The following ETV5 variants were observed in gnomAD, a reference collection of about 807,000 sequenced individuals.
ETV5 encodes the protein ETS translocation variant 5.
In ETV5, 10 loss-of-function variants were observed where a neutral mutation model predicts 70.0. The ratio of observed to expected loss-of-function variants is 0.14; its 90% CI spans 0.09 to 0.24. The LOEUF (loss-of-function observed/expected upper bound fraction) is 0.24, where lower values mean the gene tolerates loss of function less well. Ranked by LOEUF, ETV5 falls within the 10% of genes least tolerant of loss-of-function variation. The pLI is 1.00. For missense variants in ETV5, 453 were observed against 651.2 expected (o/e 0.70, Z 3.31); for synonymous variants, 216 against 242.2 (o/e 0.89, Z 1.01).
At chr3:186,086,746 C>A (rs1466465398) in intron 5 of ETV5, among the ~76,000 whole-genome samples, 1 of 150,016 alleles carries the variant, frequency 6.7e-6, no homozygotes, top group Non-Finnish European at 1.5e-5. Flanking sequence ...CGCTTGAGCC[C>A]AGGAGTTTGA....
chr3:186,087,315 G>C (rs1714081945), intron 5 of ETV5, among the ~76,000 whole-genome samples: 1 of 152,188 alleles, frequency 6.6e-6, no homozygotes, highest in Non-Finnish European at 1.5e-5. Context: ...TATGGTGTTT[G>C]AAAGTCAGGA....
intron 8 of ETV5, 102 bp from the exon 9 acceptor site, chr3:186,064,578 T>G: frequency 2.7e-6 from 3 of 1,121,536 alleles, no homozygotes; most frequent in Non-Finnish European, 4.1e-6. Context: ...CTAAACTTCC[T>G]GCTCTGGGGT....
At chr3:186,101,077 T>C (rs369987568) in intron 5 of ETV5, among the ~76,000 whole-genome samples, 159 of 152,342 alleles carry the variant, frequency 1.0e-3, no homozygotes, top group African/African-American at 3.7e-3. Context: ...TCTATGAAAA[T>C]GTGTAGTAAA....
In ETV5 at chr3:186,079,866, G is replaced by A. The variant is rs1713887481; in HGVS notation, c.601C>T (p.Leu201=). Reference sequence around the variant, plus strand: ...TCAGGCATCATCTTTGGCATCTGCAGGGGCTGATGTGGTGGTCGGGGGACC... The same window carrying A: ...TCAGGCATCATCTTTGGCATCTGCAAGGGCTGATGTGGTGGTCGGGGGACC... ...FAVPRPPHQP[L]QMPKMMPENQ... The change falls in exon 7 of 13, where the codon CTG becomes TTG. Residue 201 remains leucine, a synonymous_variant. Coordinates refer to ENST00000306376, the MANE Select transcript of ETV5 (RefSeq NM_004454.3). 1 of 1,610,610 alleles carries A rather than the reference G, an allele frequency of 6.2e-7. No individual in the cohort carries two copies. The highest frequency in any genetic ancestry group is 1.3e-5 in the African/African-American group (1 of 74,714).
intron 5 of ETV5, among the ~76,000 whole-genome samples, chr3:186,092,856 T>C (rs561288211): frequency 1.3e-5 from 2 of 152,270 alleles, no homozygotes; most frequent in East Asian, 3.9e-4. Flanking sequence ...AAGTCTCTGC[T>C]ATGCACTCGA....
rs897900050 is a variant in ETV5 at position 186,072,583 on chromosome 3, G to A, written c.651-6511C>T. Among the ~76,000 whole-genome samples the A allele has an allele frequency of 3.3e-5, 5 of 152,248 alleles. No homozygotes were observed. The East Asian group carries it at 7.7e-4, about 24-fold the overall frequency. ...GATGTTTATTTTCCTGCGATATAAC[G>A]AAGAGCCAGACACTGTCCCTAAACG... On this transcript the variant is annotated intron_variant, in intron 7 of 12. Transcript: ENST00000306376.
chr3:186,084,809 C>T lies in ETV5; in HGVS notation c.233-3634G>A, dbSNP rs527937318. Among the ~76,000 whole-genome samples, 11 of 152,286 alleles carry T rather than the reference C, an allele frequency of 7.2e-5. No homozygotes were observed. The South Asian group carries it at 2.1e-3, about 29-fold the overall frequency. On this transcript the variant is annotated intron_variant, in intron 5 of 12. Coordinates refer to ENST00000306376, the MANE Select transcript of ETV5 (RefSeq NM_004454.3). ...TGACAGAAATGGGAGATACTCTACT[C>T]GCTCACTTTGTACATTAAAAATAGA...
intron 7 of ETV5, among the ~76,000 whole-genome samples, chr3:186,074,917 G>A (rs73052023): frequency 4.7e-4 from 70 of 149,410 alleles, no homozygotes; most frequent in African/African-American, 1.6e-3. Context: ...AAGAATGCAA[G>A]GTTGGTTTCA....
At chr3:186,068,645 A>C (rs1713514298) in intron 7 of ETV5, among the ~76,000 whole-genome samples, 1 of 152,214 alleles carries the variant, frequency 6.6e-6, no homozygotes, top group South Asian at 2.1e-4. Context: ...GACCAAAGGC[A>C]AAGTTTCTTG....
At chr3:186,056,939 G>T in intron 11 of ETV5, 136 bp downstream of exon 11, 1 of 932,594 alleles carries the variant, frequency 1.1e-6, no homozygotes, top group Non-Finnish European at 1.6e-6. Context: ...ATACAGCCAA[G>T]CCCACTGGCC....
At chr3:186,082,018 G>A (rs532764188) in intron 5 of ETV5, among the ~76,000 whole-genome samples, 2 of 152,228 alleles carry the variant, frequency 1.3e-5, no homozygotes, top group South Asian at 4.1e-4. Context: ...AGAGTAACAA[G>A]AATTTTTCAA....
Position 186,047,513 on chromosome 3 carries a change from T to C in ETV5, c.*1126A>G, listed in dbSNP as rs961841587. On this transcript the variant is annotated 3_prime_UTR_variant, in exon 13 of 13. Coordinates refer to ENST00000306376, the MANE Select transcript of ETV5 (RefSeq NM_004454.3). ...GGACATGACACATGTTATATACATA[T>C]GCTTTCCAGAGAGGGCATGTTAGTG... 1.3e-5 allele frequency: 3 copies of C among 232,312 alleles called. No individual in the cohort carries two copies. Among genetic ancestry groups the C allele is most frequent in the African/African-American group, 4.4e-5 (2 of 45,300 alleles). 14.4% of individuals were successfully genotyped at this position (232,312 alleles called of 1,614,324 possible).
chr3:186,071,481 C>T (rs1409854959), intron 7 of ETV5, among the ~76,000 whole-genome samples: 2 of 152,150 alleles, frequency 1.3e-5, no homozygotes, highest in Non-Finnish European at 2.9e-5. Context: ...GTTATCTAAC[C>T]GCTCTGAAGC....
intron 5 of ETV5, among the ~76,000 whole-genome samples, chr3:186,086,708 C>T (rs373141118): frequency 6.6e-6 from 1 of 151,810 alleles, no homozygotes; most frequent in South Asian, 2.1e-4. Flanking sequence ...GTAATCCCAG[C>T]ACTTTGGGAG....
At chr3:186,078,609 C>T (rs561281442) in intron 7 of ETV5, among the ~76,000 whole-genome samples, 1 of 152,130 alleles carries the variant, frequency 6.6e-6, no homozygotes, top group South Asian at 2.1e-4. Context: ...GTTGTTAGTA[C>T]AAGGTAACAA....
intron 9 of ETV5, among the ~76,000 whole-genome samples, chr3:186,060,655 T>C (rs1422708950): frequency 2.0e-5 from 3 of 152,170 alleles, no homozygotes; most frequent in Non-Finnish European, 4.4e-5. Context: ...AGGAAAAGCA[T>C]GTCAGGGTAA....
At position 186,048,318 on chromosome 3, in the gene ETV5, G is replaced by A. The variant is rs1427017731; in HGVS notation, c.*321C>T. 3.6e-5 allele frequency: 14 copies of A among 385,090 alleles called. No individual in the cohort carries two copies. The highest frequency in any genetic ancestry group is 4.8e-5 in the Non-Finnish European group (10 of 209,220). The allele number at this position is 385,090 out of a possible 1,614,324, so 23.9% of individuals were successfully genotyped here. On this transcript the variant is annotated 3_prime_UTR_variant, in exon 13 of 13. Transcript: ENST00000306376. ...TGTCACATACTATGTCCCGTTTTGC[G>A]GGTACTAACCTGAACAAGATATTGC...
chr3:186,059,597 A>G (rs1019755789), intron 9 of ETV5, among the ~76,000 whole-genome samples: 1 of 152,238 alleles, frequency 6.6e-6, no homozygotes, highest in South Asian at 2.1e-4. Context: ...CTATTTCTCT[A>G]TCTTCATACC....
At chr3:186,106,895 T>G (rs1714601894) in intron 1 of ETV5, 1 of 967,254 alleles carries the variant, frequency 1.0e-6, no homozygotes, top group South Asian at 4.8e-5. Context: ...ATTCTTCAAA[T>G]AAAAACACCG....
Sources: allele counts gnomAD v4.1 joint callset (sites outside exome capture counted in the v4.1 genomes callset), GRCh38; gene constraint gnomAD v4.1.1; transcripts MANE v1.5; gene names NCBI Gene and HGNC (gene_info 2026-07-23, HGNC 2026-07-21).